The following PDE8A variants were observed in gnomAD, a reference collection of about 807,000 sequenced individuals.
PDE8A encodes the protein high affinity cAMP-specific and IBMX-insensitive 3',5'-cyclic phosphodiesterase 8A.
PDE8A carries 59 observed loss-of-function variants against 105.0 expected under a neutral mutation model. The ratio of observed to expected loss-of-function variants is 0.56; its 90% CI spans 0.46 to 0.70. The LOEUF (loss-of-function observed/expected upper bound fraction) is 0.70, where lower values mean the gene tolerates loss of function less well. Ranked by LOEUF, PDE8A falls within the 30% of genes least tolerant of loss-of-function variation. PDE8A has a pLI of 0.00. For synonymous variants in PDE8A, 355 were observed against 371.9 expected (o/e 0.95, Z 0.52); for missense variants, 1,014 against 1,045.9 (o/e 0.97, Z 0.42).
chr15:85,051,692 C>T (rs1052998484), intron 1 of PDE8A, among the ~76,000 whole-genome samples: 11 of 152,110 alleles, frequency 7.2e-5, no homozygotes, highest in Admixed American at 7.2e-4. Context: ...TCATTCAGCT[C>T]CTGCTTAGAG....
intron 1 of PDE8A, among the ~76,000 whole-genome samples, chr15:85,053,679 C>G (rs911638896): frequency 6.6e-6 from 1 of 152,202 alleles, no homozygotes. Context: ...TATCCTGAGA[C>G]TTTGCTGAAG....
chr15:85,033,191 G>A (rs561467326), intron 1 of PDE8A, among the ~76,000 whole-genome samples: 20 of 152,320 alleles, frequency 1.3e-4, no homozygotes, highest in South Asian at 8.3e-4. Context: ...GGAAAAGAGA[G>A]AGACATTTTC....
chr15:85,094,743 C>G (rs1473933957), intron 8 of PDE8A, among the ~76,000 whole-genome samples: 1 of 152,138 alleles, frequency 6.6e-6, no homozygotes, highest in East Asian at 1.9e-4. Context: ...TTTGAGGGTC[C>G]ATTGCCTGGG....
chr15:85,118,423 G>A (rs1202303994), intron 17 of PDE8A, among the ~76,000 whole-genome samples: 2 of 152,140 alleles, frequency 1.3e-5, no homozygotes, highest in African/African-American at 4.8e-5. Context: ...TCCTGCTGCT[G>A]TCCCAGTGAG....
rs761081166 is a variant in PDE8A, at chr15:85,113,894, G to T, written c.1207G>T (p.Ala403Ser). ...GTAGGTAATCAATATTATCAATGCT[G>T]CCCAGGAAAGTAGTCCCATGCCTGT... ...ITKVINIINA[A>S]QESSPMPVTE... is the part of the protein sequence containing the mutation. Residue 403 changes from alanine (A) to serine (S), a missense_variant, in exon 14 of 22, where the codon GCC (alanine) becomes TCC (serine). Coordinates refer to ENST00000394553, the MANE Select transcript of PDE8A (RefSeq NM_002605.3). The T allele has an allele frequency of 6.2e-7, 1 of 1,612,686 alleles. No individual in the cohort carries two copies. The highest frequency in any genetic ancestry group is 8.5e-7 in the Non-Finnish European group (1 of 1,179,006).
intron 3 of PDE8A, among the ~76,000 whole-genome samples, chr15:85,072,062 A>G (rs1596490043): frequency 6.6e-6 from 1 of 152,334 alleles, no homozygotes; most frequent in East Asian, 1.9e-4. Flanking sequence ...CAGAATTAAA[A>G]TCTATGTTGA....
intron 1 of PDE8A, among the ~76,000 whole-genome samples, chr15:85,061,856 C>CT (rs1420781991): frequency 1.3e-5 from 2 of 152,092 alleles, no homozygotes; most frequent in Non-Finnish European, 2.9e-5. Context: ...CTCATTCTTT[C>CT]TTTTGCCTGC....
intron 1 of PDE8A, among the ~76,000 whole-genome samples, chr15:85,037,190 C>T (rs1021074886): frequency 2.0e-5 from 3 of 152,026 alleles, no homozygotes; most frequent in Non-Finnish European, 4.4e-5. Context: ...CTCAGCCTCC[C>T]AAGTAGCTGG....
At chr15:85,120,398 A>G (rs2082163258) in intron 17 of PDE8A, 1 of 153,500 alleles carries the variant, frequency 6.5e-6, no homozygotes, top group Admixed American at 6.5e-5. Context: ...AGAAAACTAA[A>G]TCAATTCCCA....
chr15:85,070,973 G>C (rs879200279), intron 3 of PDE8A, among the ~76,000 whole-genome samples: 1 of 152,060 alleles, frequency 6.6e-6, no homozygotes, highest in Non-Finnish European at 1.5e-5. Flanking sequence ...TGATATCAAT[G>C]TCTCCTCCCA....
At chr15:85,004,149 C>A (rs2080108950) in intron 1 of PDE8A, among the ~76,000 whole-genome samples, 1 of 152,330 alleles carries the variant, frequency 6.6e-6, no homozygotes, top group South Asian at 2.1e-4. Context: ...GCCTCTGCCA[C>A]AGCTTCTTTG....
chr15:84,995,877 T>C (rs184708356), intron 1 of PDE8A, among the ~76,000 whole-genome samples: 1 of 152,328 alleles, frequency 6.6e-6, no homozygotes, highest in East Asian at 1.9e-4. Context: ...GTGAGAGTGC[T>C]TTGTGGTGCA....
At chr15:84,981,806 G>T (rs1041575760), upstream of PDE8A, among the ~76,000 whole-genome samples, 6 of 151,078 alleles carry the variant, frequency 4.0e-5, no homozygotes, top group Admixed American at 1.3e-4. Context: ...GGACTCAGCC[G>T]CTCCTGGGTA....
At chr15:85,051,069 T>C (rs2080965129) in intron 1 of PDE8A, among the ~76,000 whole-genome samples, 1 of 152,236 alleles carries the variant, frequency 6.6e-6, no homozygotes, top group Non-Finnish European at 1.5e-5. Flanking sequence ...TTTGATGCTA[T>C]TGTAATTGGA....
At chr15:85,129,946 G>A (rs2082308201) in intron 20 of PDE8A, among the ~76,000 whole-genome samples, 1 of 152,108 alleles carries the variant, frequency 6.6e-6, no homozygotes, top group African/African-American at 2.4e-5. Context: ...TTGTTTAAGC[G>A]TATATTAGTC....
intron 11 of PDE8A, among the ~76,000 whole-genome samples, chr15:85,102,627 G>A (rs1197942240): frequency 6.6e-6 from 1 of 151,632 alleles, no homozygotes; most frequent in Non-Finnish European, 1.5e-5. Context: ...GATCACCTGA[G>A]GTCGGGAGTT....
At chr15:85,103,154 A>C (rs1460199538) in intron 11 of PDE8A, among the ~76,000 whole-genome samples, 2 of 151,524 alleles carry the variant, frequency 1.3e-5, no homozygotes, top group Admixed American at 6.6e-5. Flanking sequence ...CCTAGGAGGC[A>C]GAGGCTGCAG....
chr15:84,999,281 T>C (rs2080028301), intron 1 of PDE8A, among the ~76,000 whole-genome samples: 1 of 151,632 alleles, frequency 6.6e-6, no homozygotes, highest in Admixed American at 6.6e-5. Context: ...CCACCATGCC[T>C]AGCTAATTTT....
rs547179791 is a variant in PDE8A, at chr15:85,139,034, A to G, written c.*1131A>G. The G allele has an allele frequency of 2.0e-5, 3 of 152,322 alleles. No individual in the cohort carries two copies. The highest frequency in any genetic ancestry group is 7.2e-5 in the African/African-American group (3 of 41,574). The allele number at this position is 152,322 out of a possible 1,614,324, so 9.4% of individuals were successfully genotyped here. A position where few individuals can be genotyped will look rare whatever the true frequency, so the allele number is the denominator to read the frequency against. The stretch of plus-strand genomic sequence containing the variant: ...TCACACCTTGAATAAGCATAATACC[A>G]TAAAAAATGACACTTGACATGTCAA... On this transcript the variant is annotated 3_prime_UTR_variant, in exon 22 of 22. Transcript: ENST00000394553.
Sources: gnomAD v4.1 joint callset for allele counts (sites outside exome capture counted in the v4.1 genomes callset) on GRCh38, gnomAD v4.1.1 for gene constraint, MANE v1.5 for transcripts, NCBI Gene and HGNC (gene_info 2026-07-23, HGNC 2026-07-21) for gene names.